Variants in NRXN2 observed in about 807,000 individuals in gnomAD.
The protein encoded by NRXN2 is neurexin-2-beta.
In NRXN2, 29 loss-of-function variants were observed where a neutral mutation model predicts 128.8. The observed-to-expected ratio is 0.23, with a 90% CI of 0.17 to 0.31. The LOEUF (loss-of-function observed/expected upper bound fraction) is 0.31, where lower values mean the gene tolerates loss of function less well. NRXN2 is among the 10% of genes least tolerant of loss of function. The pLI is 1.00. For synonymous variants in NRXN2, 1,098 were observed against 1,075.2 expected, an observed-to-expected ratio of 1.02 and a Z score of -0.41; for missense variants, 1,881 against 2,452.6, an observed-to-expected ratio of 0.77 and a Z score of 4.92.
chr11:64,669,426 C>T (rs772166468), intron 7 of NRXN2, among the ~76,000 whole-genome samples: 4 of 152,176 alleles, frequency 2.6e-5, no homozygotes, highest in Non-Finnish European at 5.9e-5. Context: ...ACTAGAGTTA[C>T]TCCAGGGAGT....
intron 11 of NRXN2, among the ~76,000 whole-genome samples, chr11:64,657,799 A>C (rs577192478): frequency 2.9e-4 from 44 of 152,216 alleles, no homozygotes; most frequent in Admixed American, 1.6e-3. Context: ...ATTTGCACCA[A>C]GCCTTTGGTC....
In NRXN2 at chr11:64,650,530, G is replaced by A. The variant is rs759132602; in HGVS notation, c.3027C>T (p.Asp1009=). Reference sequence around the variant, plus strand: ...TCTTGAGCGTGTGCACGTTGCCTGGGTCCCTGGACACCACCACGTTGTGCC... The same window carrying A: ...TCTTGAGCGTGTGCACGTTGCCTGGATCCCTGGACACCACCACGTTGTGCC... ...NQWHNVVVSR[D]PGNVHTLKID... Residue 1009 remains aspartate, a synonymous_variant, in exon 15 of 23, where the codon GAC becomes GAT. Transcript: ENST00000265459. 3.9e-5 allele frequency: 63 copies of A among 1,614,082 alleles called. No homozygotes were observed. In the Admixed American group the frequency reaches 1.0e-3, roughly 26 times the overall value.
At chr11:64,627,116 G>A (rs1051015527) in intron 19 of NRXN2, among the ~76,000 whole-genome samples, 6 of 151,978 alleles carry the variant, frequency 3.9e-5, no homozygotes, top group East Asian at 1.9e-4. Context: ...CTTTGCCTTC[G>A]TGCTCCACTC....
intron 22 of NRXN2, 59 bp from the exon 23 acceptor site, chr11:64,608,141 G>A: frequency 7.7e-7 from 1 of 1,296,136 alleles, no homozygotes; most frequent in East Asian, 2.4e-5. Context: ...GGCGCAGGCG[G>A]CCGGCACAGA....
chr11:64,668,756 G>A (rs1239621857), intron 7 of NRXN2, 152 bp from the exon 8 acceptor site: 2 of 803,722 alleles, frequency 2.5e-6, no homozygotes, highest in East Asian at 2.6e-5. Context: ...GGAACAGTGG[G>A]GGAAGAGAGG....
Position 64,607,904 on chromosome 11 carries a change from G to A in NRXN2, c.4431C>T (p.Cys1477=). 3.2e-6 allele frequency: 5 copies of A among 1,567,042 alleles called. No homozygotes were observed. The highest frequency in any genetic ancestry group is 1.9e-5 in the Admixed American group (1 of 53,634). ...AARRPPSGGP[C]QAERDDSDCE... ...AGTCGCTGTCGTCCCGCTCGGCCTGGCACGGGCCCCCAGAGGGCGGGCGGC... is the reference window on the plus strand; with the variant it reads ...AGTCGCTGTCGTCCCGCTCGGCCTGACACGGGCCCCCAGAGGGCGGGCGGC... The change falls in exon 23 of 23, where the codon TGC becomes TGT. Residue 1477 remains cysteine (C), a synonymous_variant. Transcript: ENST00000265459.
chr11:64,641,081 A>C (rs1163618998), intron 17 of NRXN2, among the ~76,000 whole-genome samples: 2 of 152,166 alleles, frequency 1.3e-5, no homozygotes, highest in Non-Finnish European at 2.9e-5. Flanking sequence ...GAACTGATGA[A>C]GGCACAGCGA....
chr11:64,617,176 ATG>A (rs1343893430), intron 22 of NRXN2, among the ~76,000 whole-genome samples: 3 of 147,118 alleles, frequency 2.0e-5, no homozygotes, highest in South Asian at 2.1e-4. Context: ...GTGTGTGTGT[ATG>A]TGTGTGTGTG....
chr11:64,630,471 A>G lies in NRXN2; in HGVS notation c.3688T>C (p.Phe1230Leu), dbSNP rs2043738340. The G allele has an allele frequency of 6.2e-7, 1 of 1,613,820 alleles. No homozygotes were observed. Among genetic ancestry groups the G allele is most frequent in the Admixed American group, 1.7e-5 (1 of 60,012 alleles). Residue 1230 changes from phenylalanine (F) to leucine (L), a missense_variant, in exon 19 of 23, where the codon TTC becomes CTC. Transcript: ENST00000265459. This position sits in a 1 kb window ranked among gnomAD's most constrained non-coding sequence, Gnocchi z 4.6. ...GTGGCGTTGCCGCCGCTTCGAGTGA[A>G]GCGCACCACGTGGTATTTGCCGTCG... Reference protein sequence around the residue: ...VSDGKYHVVRFTRSGGNATLQ... With the variant: ...VSDGKYHVVRLTRSGGNATLQ...
chr11:64,689,249 T>G (rs2053506455), intron 5 of NRXN2, among the ~76,000 whole-genome samples: 1 of 152,022 alleles, frequency 6.6e-6, no homozygotes, highest in Admixed American at 6.6e-5. Flanking sequence ...AATGATTTTT[T>G]TTTTTTTAAT....
At chr11:64,611,403 G>A (rs182126003) in intron 22 of NRXN2, among the ~76,000 whole-genome samples, 4 of 152,320 alleles carry the variant, frequency 2.6e-5, no homozygotes, top group East Asian at 3.9e-4. Flanking sequence ...AAACCCCAGC[G>A]TCAAGGCTTG....
Position 64,714,589 on chromosome 11 carries a change from C to T in NRXN2, c.-244-646G>A, listed in dbSNP as rs1157254223. Among the ~76,000 whole-genome samples, 2 of 152,062 alleles carry T rather than the reference C, an allele frequency of 1.3e-5. No homozygotes were observed. The highest frequency in any genetic ancestry group is 3.9e-4 in the East Asian group (2 of 5,194). ...TGTGTCTCCAGTTCCCCCGAAACCA[C>T]GCTCACCCCTTCCCAGGCCCCAGCC... On this transcript the variant is annotated intron_variant, in intron 1 of 22. Transcript: ENST00000265459. This position sits in a 1 kb window ranked among gnomAD's most constrained non-coding sequence, Gnocchi z 4.5.
intron 2 of NRXN2, among the ~76,000 whole-genome samples, chr11:64,703,488 C>G (rs1419882960): frequency 6.6e-6 from 1 of 152,206 alleles, no homozygotes; most frequent in African/African-American, 2.4e-5. Context: ...CCAAATCTGT[C>G]TGGTGAAAAC....
In NRXN2 at chr11:64,713,614, A is replaced by G; in HGVS notation, c.86T>C (p.Leu29Pro). The stretch of plus-strand genomic sequence containing the variant: ...CTGCCCGGGGCCGCCGCCGAACTCC[A>G]GGCCGTCCGCGCGCGCCGCCAGCGC... ...LLALAARADG[L>P]EFGGGPGQWA... The change falls in exon 2 of 23, where the codon CTG (leucine) becomes CCG (proline). Residue 29 changes from leucine (L) to proline (P), a missense_variant. Transcript: ENST00000265459. The G allele has an allele frequency of 7.9e-7, 1 of 1,271,020 alleles. No homozygotes were observed. The highest frequency in any genetic ancestry group is 9.9e-7 in the Non-Finnish European group (1 of 1,005,778). The allele number at this position is 1,271,020 out of a possible 1,614,324, so 78.7% of individuals were successfully genotyped here.
chr11:64,720,693 C>T (rs532867440), intron 1 of NRXN2, among the ~76,000 whole-genome samples: 4 of 152,270 alleles, frequency 2.6e-5, no homozygotes, highest in Non-Finnish European at 5.9e-5. Context: ...TGCACACACA[C>T]GTGCACACAC....
chr11:64,717,778 G>A (rs1385570849), intron 1 of NRXN2, among the ~76,000 whole-genome samples: 1 of 152,234 alleles, frequency 6.6e-6, no homozygotes, highest in Non-Finnish European at 1.5e-5. Context: ...CAGGCTTACA[G>A]ACCAGGAAGC....
intron 4 of NRXN2, among the ~76,000 whole-genome samples, chr11:64,691,084 G>T (rs528581290): frequency 2.6e-5 from 4 of 152,312 alleles, no homozygotes; most frequent in African/African-American, 7.2e-5. Flanking sequence ...ACCACAGTGA[G>T]TGCTCGGAAG....
chr11:64,658,617 G>A (rs766361467), intron 11 of NRXN2, among the ~76,000 whole-genome samples: 1 of 152,232 alleles, frequency 6.6e-6, no homozygotes, highest in East Asian at 1.9e-4. Context: ...AAGGGGAAAA[G>A]GAAAGAACAT....
intron 22 of NRXN2, among the ~76,000 whole-genome samples, chr11:64,618,369 C>A (rs1292579800): frequency 6.6e-6 from 1 of 152,194 alleles, no homozygotes; most frequent in East Asian, 1.9e-4. Context: ...CCTCCTGTTA[C>A]CCAGGAATTC....
Sources: gnomAD v4.1 joint callset for allele counts (sites outside exome capture counted in the v4.1 genomes callset) on GRCh38, gnomAD v4.1.1 for gene constraint, Gnocchi (gnomAD v3.1) non-coding constraint, MANE v1.5 for transcripts, NCBI Gene and HGNC (gene_info 2026-07-23, HGNC 2026-07-21) for gene names.